GEM: variants seen among roughly 807,000 people sequenced by gnomAD.
GEM encodes GTP binding protein overexpressed in skeletal muscle.
A neutral mutation model predicts 33.0 loss-of-function variants in GEM; 31 were observed. That is an observed-to-expected ratio of 0.94 (90% CI 0.71 to 1.27). The LOEUF (loss-of-function observed/expected upper bound fraction) is 1.27. GEM is among the 50% of genes most tolerant of loss of function. The pLI, the probability that GEM is intolerant of heterozygous loss-of-function variation, is 0.00. For synonymous variants in GEM, 141 were observed against 143.7 expected (o/e 0.98, Z 0.13); for missense variants, 354 against 390.5 (o/e 0.91, Z 0.79).
At chr8:94,254,041 C>G (rs1018441984) in intron 2 of GEM, among the ~76,000 whole-genome samples, 21 of 152,038 alleles carry the variant, frequency 1.4e-4, no homozygotes, top group Admixed American at 3.9e-4. Context: ...AGAATCTTTT[C>G]CCTCAAATAC....
At chr8:94,251,065 A>G (rs1808760926) in intron 4 of GEM, among the ~76,000 whole-genome samples, 1 of 152,214 alleles carries the variant, frequency 6.6e-6, no homozygotes, top group African/African-American at 2.4e-5. Context: ...AGGTCTGCTC[A>G]GTTCTCAAGC....
At position 94,260,356 on chromosome 8, in the gene GEM, G is replaced by A. The variant is rs147133582; in HGVS notation, c.148C>T (p.Pro50Ser). 4.3e-6 allele frequency: 7 copies of A among 1,614,076 alleles called. No homozygotes were observed. Among genetic ancestry groups the A allele is most frequent in the African/African-American group, 4.0e-5 (3 of 74,934 alleles). Reference protein sequence around the residue: ...YSHRNRHSATPEDHCRRSWSS... With the variant: ...YSHRNRHSATSEDHCRRSWSS... The stretch of plus-strand genomic sequence containing the variant: ...CAGCTTCGGCGGCAGTGGTCCTCAG[G>A]GGTAGCAGAATGGCGGTTGCGGTGG... Residue 50 changes from proline to serine, a missense_variant, in exon 2 of 5, where the codon CCT becomes TCT. Coordinates refer to ENST00000297596, the MANE Select transcript of GEM (RefSeq NM_005261.4).
chr8:94,251,542 TGAA>T (rs1240719726), intron 4 of GEM, among the ~76,000 whole-genome samples: 5 of 152,178 alleles, frequency 3.3e-5, no homozygotes, highest in Admixed American at 1.3e-4. Context: ...GAGCTAAGTA[TGAA>T]GAAGAATATG....
Position 94,260,268 on chromosome 8 carries a change from A to T in GEM, c.236T>A (p.Val79Glu). 1 of 1,614,082 alleles carries T rather than the reference A, an allele frequency of 6.2e-7. No homozygotes were observed. Among genetic ancestry groups the T allele is most frequent in the South Asian group, 1.1e-5 (1 of 91,084 alleles). ...GCCCACCCCCTGCTCCCCTATGAGC[A>T]CCACTCGGTAGTAGGTGTTCCCTGA... ...SESGNTYYRV[V>E]LIGEQGVGKS... Residue 79 changes from valine (V) to glutamate (E), a missense_variant, in exon 2 of 5, where the codon GTG (valine) becomes GAG (glutamate). Transcript: ENST00000297596.
chr8:94,255,115 C>T (rs572177068), intron 2 of GEM, among the ~76,000 whole-genome samples: 221 of 152,262 alleles, frequency 1.5e-3, no homozygotes, highest in African/African-American at 5.2e-3. Flanking sequence ...CAGACAACTC[C>T]TTCAATGATG....
rs1193489696 is a variant in GEM, at chr8:94,250,520, G to A, written c.681C>T (p.Asn227=). ...CAATGCCCTCAAACAGCTCCTTCAC[G>A]TTGTGCTGGACAGCTGCAGAGGTCT... ...FIETSAAVQH[N]VKELFEGIVR... Residue 227 remains asparagine (N), a synonymous_variant, in exon 5 of 5, where the codon AAC becomes AAT. Transcript: ENST00000297596. The A allele has an allele frequency of 8.1e-6, 13 of 1,613,746 alleles. No individual in the cohort carries two copies. The highest frequency in any genetic ancestry group is 4.5e-5 in the East Asian group (2 of 44,898).
At chr8:94,259,958 C>T (rs1299037052) in intron 2 of GEM, 1 of 488,048 alleles carries the variant, frequency 2.0e-6, no homozygotes, top group African/African-American at 1.9e-5. Flanking sequence ...CTTTCTGGCC[C>T]AGGATCAACA....
intron 2 of GEM, among the ~76,000 whole-genome samples, chr8:94,257,462 A>G (rs1054769431): frequency 6.6e-6 from 1 of 152,164 alleles, no homozygotes; most frequent in Non-Finnish European, 1.5e-5. Context: ...GATTACAGGC[A>G]TGAGCCACCA....
Position 94,250,048 on chromosome 8 carries a change from C to A in GEM, c.*262G>T. 4.6e-6 allele frequency: 2 copies of A among 434,898 alleles called. No homozygotes were observed. The highest frequency in any genetic ancestry group is 8.1e-6 in the Non-Finnish European group (2 of 248,274). 26.9% of individuals were successfully genotyped at this position (434,898 alleles called of 1,614,324 possible). ...TCTCTACTATCCAAAATAGAAGAAA[C>A]ACATGTGAACACCAAACACATCCTC... On this transcript the variant is annotated 3_prime_UTR_variant, in exon 5 of 5. Coordinates refer to ENST00000297596, the MANE Select transcript of GEM (RefSeq NM_005261.4).
At position 94,260,276 on chromosome 8, in the gene GEM, G is replaced by A. The variant is rs946600589; in HGVS notation, c.228C>T (p.Tyr76=). The A allele has an allele frequency of 1.2e-6, 2 of 1,613,704 alleles. No individual in the cohort carries two copies. The highest frequency in any genetic ancestry group is 2.2e-5 in the East Asian group (1 of 44,904). ...CCTGCTCCCCTATGAGCACCACTCG[G>A]TAGTAGGTGTTCCCTGACTCAGAGG... The part of the protein sequence containing the change: ...VISSESGNTY[Y]RVVLIGEQGV... The change falls in exon 2 of 5, where the codon TAC becomes TAT. Residue 76 remains tyrosine, a synonymous_variant. Coordinates refer to ENST00000297596, the MANE Select transcript of GEM (RefSeq NM_005261.4).
rs1344954965 is a variant in GEM, at chr8:94,254,353, G to A, written c.332-1241C>T. 2.0e-5 allele frequency among the ~76,000 whole-genome samples: 3 copies of A among 152,164 alleles called. No homozygotes were observed. In the South Asian group the frequency reaches 6.2e-4, roughly 32 times the overall value. ...GTGAACGAATGATAAATATAGCATT[G>A]TGGCTGTGAAAACAAGCAAACCTGA... On this transcript the variant is annotated intron_variant, in intron 2 of 4. Transcript: ENST00000297596.
chr8:94,259,525 C>T (rs1353833141), intron 2 of GEM, among the ~76,000 whole-genome samples: 1 of 152,158 alleles, frequency 6.6e-6, no homozygotes, highest in Non-Finnish European at 1.5e-5. Flanking sequence ...CTGAAGAATA[C>T]ATGCATTTTG....
intron 2 of GEM, among the ~76,000 whole-genome samples, chr8:94,257,203 G>A (rs1024794015): frequency 6.6e-6 from 1 of 151,188 alleles, no homozygotes; most frequent in African/African-American, 2.4e-5. Flanking sequence ...TTTTTGAGAT[G>A]GAGTTTCACT....
chr8:94,260,049 C>A, intron 2 of GEM, 124 bp downstream of exon 2: 1 of 636,450 alleles, frequency 1.6e-6, no homozygotes, highest in Admixed American at 2.6e-5. Context: ...TCAGCTCCCC[C>A]ATCAATTGTC....
chr8:94,252,347 G>A (rs1808795439), intron 3 of GEM, 124 bp from the exon 4 acceptor site: 8 of 677,490 alleles, frequency 1.2e-5, no homozygotes, highest in Non-Finnish European at 1.8e-5. Flanking sequence ...GAAAAAGGAA[G>A]AAAATCGCTT....
chr8:94,254,495 G>A (rs1420284779), intron 2 of GEM, among the ~76,000 whole-genome samples: 1 of 152,064 alleles, frequency 6.6e-6, no homozygotes, highest in Non-Finnish European at 1.5e-5. Flanking sequence ...ACACCTTAGG[G>A]CTATGTGACA....
rs1309358524 is a variant in GEM at position 94,249,711 on chromosome 8, C to G, written c.*599G>C. 1 of 151,452 alleles carries G rather than the reference C, an allele frequency of 6.6e-6. No homozygotes were observed. Among genetic ancestry groups the G allele is most frequent in the Non-Finnish European group, 1.5e-5 (1 of 67,862 alleles). 9.4% of individuals were successfully genotyped at this position (151,452 alleles called of 1,614,324 possible). ...CTATAAGGGACACATGTATCAGTTC[C>G]CAATTCTATATGTCTTGGTGGGCAT... is the stretch of plus-strand genomic sequence containing the variant. On this transcript the variant is annotated 3_prime_UTR_variant, in exon 5 of 5. Transcript: ENST00000297596.
chr8:94,257,864 T>TAA (rs763584978), intron 2 of GEM, among the ~76,000 whole-genome samples: 51 of 145,516 alleles, frequency 3.5e-4, no homozygotes, highest in African/African-American at 1.3e-3. Flanking sequence ...AATGCTGATT[T>TAA]AAAAAAAAAA....
Position 94,249,648 on chromosome 8 carries a change from C to T in GEM, c.*662G>A, listed in dbSNP as rs1453826448. The T allele has an allele frequency of 6.6e-6, 1 of 151,720 alleles. No individual in the cohort carries two copies. The highest frequency in any genetic ancestry group is 1.5e-5 in the Non-Finnish European group (1 of 68,014). 9.4% of individuals were successfully genotyped at this position (151,720 alleles called of 1,614,324 possible). A position where few individuals can be genotyped will look rare whatever the true frequency, so the allele number is the denominator to read the frequency against. Reference sequence around the variant, plus strand: ...AAATAGAATCTGATTCAAATAATTTCCCCCTAAATAAGAAATTGTAAGATA... The same window carrying T: ...AAATAGAATCTGATTCAAATAATTTTCCCCTAAATAAGAAATTGTAAGATA... On this transcript the variant is annotated 3_prime_UTR_variant, in exon 5 of 5. Transcript: ENST00000297596.
Sources: allele counts gnomAD v4.1 joint callset (sites outside exome capture counted in the v4.1 genomes callset), GRCh38; gene constraint gnomAD v4.1.1; transcripts MANE v1.5; gene names NCBI Gene and HGNC (gene_info 2026-07-23, HGNC 2026-07-21).